The following NRDE2 variants were observed in gnomAD, a reference collection of about 807,000 sequenced individuals.
NRDE2 encodes nuclear exosome regulator NRDE2.
NRDE2 carries 76 observed loss-of-function variants against 124.2 expected under a neutral mutation model. That is an observed-to-expected ratio of 0.61 (90% CI 0.51 to 0.74). The LOEUF (loss-of-function observed/expected upper bound fraction) is 0.74, where lower values mean the gene tolerates loss of function less well. Among genes scored for constraint, NRDE2 ranks in the 30% least tolerant of loss-of-function variants. The pLI, the probability that NRDE2 is intolerant of heterozygous loss-of-function variation, is 0.00. For synonymous variants in NRDE2, 489 were observed against 528.1 expected, an observed-to-expected ratio of 0.93 and a Z score of 1.01; for missense variants, 1,314 against 1,417.3, an observed-to-expected ratio of 0.93 and a Z score of 1.17.
intron 4 of NRDE2, among the ~76,000 whole-genome samples, chr14:90,310,566 C>G (rs2896131): frequency 0.64 from 96,399 of 149,892 alleles, 31,509 homozygotes; most frequent in African/African-American, 0.74. Context: ...TGTTGCCCAG[C>G]CTGGAGTGCA....
rs532648159 is a variant in NRDE2, at chr14:90,320,335, G to T, written c.65-2222C>A. On this transcript the variant is annotated intron_variant, in intron 1 of 13. Transcript: ENST00000354366. ...ACCTTCTTGATGTGGTGGCAACAGA[G>T]GAAAGAGTAAAGAGCAAAGGGGGAA... Among the ~76,000 whole-genome samples, 17 of 152,200 alleles carry T rather than the reference G, an allele frequency of 1.1e-4. 1 individual carries two copies. Among genetic ancestry groups the T allele is most frequent in the African/African-American group, 3.1e-4 (13 of 41,444 alleles).
intron 12 of NRDE2, among the ~76,000 whole-genome samples, chr14:90,284,695 C>T (rs1892051849): frequency 6.6e-6 from 1 of 152,076 alleles, no homozygotes; most frequent in Non-Finnish European, 1.5e-5. Context: ...ATTTCCGAAA[C>T]GTACAATATT....
intron 12 of NRDE2, among the ~76,000 whole-genome samples, chr14:90,281,905 C>G (rs1433182284): frequency 6.6e-6 from 1 of 152,170 alleles, no homozygotes; most frequent in African/African-American, 2.4e-5. Context: ...GGATTCTTTT[C>G]CCTCCCACCA....
chr14:90,271,512 T>C lies in NRDE2; in HGVS notation c.*6824A>G, dbSNP rs1017265244. The C allele has an allele frequency of 2.8e-4, 42 of 152,360 alleles. No individual in the cohort carries two copies. The highest frequency in any genetic ancestry group is 9.9e-4 in the African/African-American group (41 of 41,582). 9.4% of individuals were successfully genotyped at this position (152,360 alleles called of 1,614,324 possible). A position where few individuals can be genotyped will look rare whatever the true frequency, so the allele number is the denominator to read the frequency against. On this transcript the variant is annotated 3_prime_UTR_variant, in exon 14 of 14. Transcript: ENST00000354366. ...GGAATAAATGCTATACTCTGTAGTA[T>C]TATTCCATAGTATAGATACTGCCAC...
Position 90,288,471 on chromosome 14 carries a change from C to G in NRDE2, c.2904G>C (p.Leu968=). Residue 968 remains leucine (L), a synonymous_variant, in exon 11 of 14, where the codon CTG becomes CTC. Coordinates refer to ENST00000354366, the MANE Select transcript of NRDE2 (RefSeq NM_017970.4). The part of the protein sequence containing the change: ...LEAITLMHTS[L]LRFHMKVSVY... The stretch of plus-strand genomic sequence containing the variant: ...CACTCACTTTCATGTGGAATCTCAG[C>G]AGGCTCGTGTGCATCAGTGTGATGG... The G allele has an allele frequency of 6.2e-7, 1 of 1,614,174 alleles. No homozygotes were observed. The highest frequency in any genetic ancestry group is 8.5e-7 in the Non-Finnish European group (1 of 1,180,042).
chr14:90,293,450 A>G (rs1382731147), intron 8 of NRDE2, among the ~76,000 whole-genome samples: 4 of 149,286 alleles, frequency 2.7e-5, no homozygotes, highest in Non-Finnish European at 5.9e-5. Flanking sequence ...GGGTTTCACC[A>G]TGTTGGTCAG....
At chr14:90,312,605 G>A (rs980409571) in intron 3 of NRDE2, 62 bp from the exon 4 acceptor site, 51 of 1,573,916 alleles carry the variant, frequency 3.2e-5, no homozygotes, top group Non-Finnish European at 4.1e-5. Flanking sequence ...AGTGACGCAG[G>A]TGGCATTTTC....
chr14:90,329,170 C>T (rs900341953), intron 1 of NRDE2, among the ~76,000 whole-genome samples: 2 of 152,052 alleles, frequency 1.3e-5, no homozygotes, highest in African/African-American at 2.4e-5. Flanking sequence ...TGCAAAAGTT[C>T]GATTTCCCCC....
chr14:90,294,095 G>A (rs186692122), intron 8 of NRDE2, among the ~76,000 whole-genome samples: 217 of 152,166 alleles, frequency 1.4e-3, no homozygotes, highest in Admixed American at 5.3e-3. Flanking sequence ...TTACACAATG[G>A]AATACTACTC....
chr14:90,290,675 T>C, intron 9 of NRDE2, 68 bp from the exon 10 acceptor site: 1 of 1,461,218 alleles, frequency 6.8e-7, no homozygotes. Flanking sequence ...CACAATTCTC[T>C]TTATATGCAT....
At chr14:90,284,434 C>T (rs1035902849) in intron 12 of NRDE2, among the ~76,000 whole-genome samples, 6 of 151,556 alleles carry the variant, frequency 4.0e-5, no homozygotes, top group Admixed American at 6.6e-5. Flanking sequence ...CTGCAAACTC[C>T]GCCTGCAGCT....
chr14:90,295,331 T>C (rs545237653), intron 8 of NRDE2, among the ~76,000 whole-genome samples: 51 of 152,230 alleles, frequency 3.4e-4, no homozygotes, highest in Non-Finnish European at 5.7e-4. Context: ...TTGTGTATAT[T>C]AGCATTATAG....
At chr14:90,313,733 T>A (rs1595073253) in intron 3 of NRDE2, among the ~76,000 whole-genome samples, 1 of 152,214 alleles carries the variant, frequency 6.6e-6, no homozygotes, top group African/African-American at 2.4e-5. Context: ...TGTTGTTCCA[T>A]CTCTGCTTTT....
rs1301284819 is a variant in NRDE2 at position 90,273,574 on chromosome 14, A to ATAAAT, written c.*4757_*4761dup. ...CTCCGTCTCAAAAATAAATAAATAA[A>ATAAAT]TAAATAAAAACCACAATTTTATCTC... On this transcript the variant is annotated 3_prime_UTR_variant, in exon 14 of 14. Coordinates refer to ENST00000354366, the MANE Select transcript of NRDE2 (RefSeq NM_017970.4). 2 of 152,242 alleles carry ATAAAT rather than the reference A, an allele frequency of 1.3e-5. No homozygotes were observed. Among genetic ancestry groups the ATAAAT allele is most frequent in the African/African-American group, 4.8e-5 (2 of 41,450 alleles). The allele number at this position is 152,242 out of a possible 1,614,324, so 9.4% of individuals were successfully genotyped here. A position where few individuals can be genotyped will look rare whatever the true frequency, so the allele number is the denominator to read the frequency against.
intron 1 of NRDE2, among the ~76,000 whole-genome samples, chr14:90,327,941 A>G (rs1566704429): frequency 6.6e-6 from 1 of 152,130 alleles, no homozygotes; most frequent in Non-Finnish European, 1.5e-5. Flanking sequence ...CAGGAGATTG[A>G]GACCACTCTG....
At chr14:90,296,145 GCTCT>G (rs1171959524) in intron 8 of NRDE2, among the ~76,000 whole-genome samples, 1 of 152,082 alleles carries the variant, frequency 6.6e-6, no homozygotes, top group Non-Finnish European at 1.5e-5. Flanking sequence ...TAATGGGCTC[GCTCT>G]CTAACAAAAA....
At position 90,269,765 on chromosome 14, in the gene NRDE2, T is replaced by TAGAC. The variant is rs1415195817; in HGVS notation, c.*8570_*8571insGTCT. The stretch of plus-strand genomic sequence containing the variant: ...CCCTTTGAATTCCAGTCTTATGTCT[T>TAGAC]GTCTTTTCTTTTCCATAACATTCCC... On this transcript the variant is annotated 3_prime_UTR_variant, in exon 14 of 14. Transcript: ENST00000354366. 25 of 457,634 alleles carry TAGAC rather than the reference T, an allele frequency of 5.5e-5. No homozygotes were observed. The East Asian group carries it at 8.3e-4, about 15-fold the overall frequency. 28.3% of individuals were successfully genotyped at this position (457,634 alleles called of 1,614,324 possible).
At position 90,273,220 on chromosome 14, in the gene NRDE2, G is replaced by C. The variant is rs1489823826; in HGVS notation, c.*5116C>G. The C allele has an allele frequency of 6.7e-6, 1 of 149,526 alleles. No individual in the cohort carries two copies. The highest frequency in any genetic ancestry group is 2.4e-5 in the African/African-American group (1 of 41,222). 9.3% of individuals were successfully genotyped at this position (149,526 alleles called of 1,614,324 possible). A position where few individuals can be genotyped will look rare whatever the true frequency, so the allele number is the denominator to read the frequency against. The stretch of plus-strand genomic sequence containing the variant: ...CACACTGAATGAGGAGTGTGTATTA[G>C]TTTTCTGTTAATACTATAACAAGTT... On this transcript the variant is annotated 3_prime_UTR_variant, in exon 14 of 14. Transcript: ENST00000354366.
In NRDE2 at chr14:90,304,421, C is replaced by T. The variant is rs192091437; in HGVS notation, c.558-39G>A. 3.0e-3 allele frequency: 4,420 copies of T among 1,464,342 alleles called. 25 individuals carry two copies. Among genetic ancestry groups the T allele is most frequent in the South Asian group, 3.1e-3 (240 of 77,132 alleles). The allele number at this position is 1,464,342 out of a possible 1,614,324, so 90.7% of individuals were successfully genotyped here. A position where few individuals can be genotyped will look rare whatever the true frequency, so the allele number is the denominator to read the frequency against. On this transcript the variant is annotated intron_variant, in intron 4 of 13. Transcript: ENST00000354366. Reference sequence around the variant, plus strand: ...AAGAAAAAAAGTTACTGAGGGAATACGTGTACTACCTCTGAATGACTAAAG... The same window carrying T: ...AAGAAAAAAAGTTACTGAGGGAATATGTGTACTACCTCTGAATGACTAAAG...
Sources: gnomAD v4.1 joint callset for allele counts (sites outside exome capture counted in the v4.1 genomes callset) on GRCh38, gnomAD v4.1.1 for gene constraint, MANE v1.5 for transcripts, NCBI Gene and HGNC (gene_info 2026-07-23, HGNC 2026-07-21) for gene names.